SMU1: variants seen among roughly 807,000 people sequenced by gnomAD.
SMU1 encodes the protein SMU1 DNA replication regulator and spliceosomal factor.
A neutral mutation model predicts 62.0 loss-of-function variants in SMU1; 2 were observed. The observed-to-expected ratio is 0.03, with a 90% CI of 0.01 to 0.10. The LOEUF (loss-of-function observed/expected upper bound fraction) is 0.10, where lower values mean the gene tolerates loss of function less well. SMU1 is among the 10% of genes least tolerant of loss of function. The probability of loss-of-function intolerance (pLI) is 1.00; values close to 1 mark genes in which losing one functional copy is unlikely to be tolerated. For synonymous variants in SMU1, 188 were observed against 212.4 expected (o/e 0.89, Z 1.00); for missense variants, 227 against 622.1 (o/e 0.36, Z 6.76).
intron 6 of SMU1, among the ~76,000 whole-genome samples, chr9:33,059,437 G>GA (rs796953065): frequency 2.7e-5 from 4 of 149,244 alleles, no homozygotes; most frequent in African/African-American, 7.4e-5. Context: ...ATAACCCCTT[G>GA]AAAAAAAAAT....
chr9:33,073,564 C>T, intron 2 of SMU1, 32 bp downstream of exon 2: 1 of 1,564,624 alleles, frequency 6.4e-7, no homozygotes, highest in Non-Finnish European at 8.8e-7. Context: ...AACGAACCAA[C>T]CCATGGGGAT....
chr9:33,066,038 A>C (rs1587711358), intron 4 of SMU1, among the ~76,000 whole-genome samples: 2 of 152,334 alleles, frequency 1.3e-5, no homozygotes, highest in Middle Eastern at 6.8e-3. Context: ...AAAGCTGACC[A>C]GCCCAAGAGA....
Position 33,042,414 on chromosome 9 carries a change from A to T in SMU1, c.*4879T>A, listed in dbSNP as rs1839136146. On this transcript the variant is annotated 3_prime_UTR_variant, in exon 12 of 12. Transcript: ENST00000397149. ...ATTAACCAAGGTCATCATCCACAAA[A>T]ATACAAGTTCCAGCACTAACTCTGC... 6.6e-6 allele frequency: 1 copy of T among 152,624 alleles called. No individual in the cohort carries two copies. Among genetic ancestry groups the T allele is most frequent in the Admixed American group, 6.5e-5 (1 of 15,284 alleles). The allele number at this position is 152,624 out of a possible 1,614,324, so 9.5% of individuals were successfully genotyped here.
chr9:33,060,678 T>A (rs1839352235), intron 5 of SMU1, 94 bp from the exon 6 acceptor site: 2 of 1,519,752 alleles, frequency 1.3e-6, no homozygotes, highest in Non-Finnish European at 1.8e-6. Context: ...TGCCCTAGCA[T>A]AAAGTCATAG....
intron 6 of SMU1, among the ~76,000 whole-genome samples, chr9:33,058,254 A>G (rs1839323114): frequency 6.6e-6 from 1 of 152,238 alleles, no homozygotes; most frequent in Admixed American, 6.5e-5. Context: ...AGTAGAAAGT[A>G]AAAATCACTC....
rs879097134 is a variant in SMU1, at chr9:33,061,985, G to A, written c.630+64C>T. The stretch of plus-strand genomic sequence containing the variant: ...TATCCAAGCCCCTGGCACAGGGCCT[G>A]GCTGAGCCCATGACAAGTCCTCAAC... On this transcript the variant is annotated intron_variant, in intron 5 of 11. Transcript: ENST00000397149. 4.5e-6 allele frequency: 7 copies of A among 1,557,308 alleles called. No individual in the cohort carries two copies. The South Asian group carries it at 5.7e-5, about 13-fold the overall frequency.
At chr9:33,068,206 A>G (rs550867770) in intron 4 of SMU1, among the ~76,000 whole-genome samples, 1 of 152,208 alleles carries the variant, frequency 6.6e-6, no homozygotes, top group Non-Finnish European at 1.5e-5. Flanking sequence ...ATTTGTTCCA[A>G]TCTTTCCAGG....
In SMU1 at chr9:33,047,198, C is replaced by T; in HGVS notation, c.*95G>A. ...GTGACTAATTCAGACAATCTATTTG[C>T]TTAGAAAAGCTGGCAAAAAAAAAAA... On this transcript the variant is annotated 3_prime_UTR_variant, in exon 12 of 12. Transcript: ENST00000397149. The T allele has an allele frequency of 1.4e-6, 1 of 721,244 alleles. No homozygotes were observed. The highest frequency in any genetic ancestry group is 2.2e-6 in the Non-Finnish European group (1 of 450,344). 44.7% of individuals were successfully genotyped at this position (721,244 alleles called of 1,614,324 possible). A position where few individuals can be genotyped will look rare whatever the true frequency, so the allele number is the denominator to read the frequency against.
chr9:33,059,557 T>C (rs1839340117), intron 6 of SMU1, among the ~76,000 whole-genome samples: 1 of 147,322 alleles, frequency 6.8e-6, no homozygotes, highest in African/African-American at 2.5e-5. Context: ...GCCCCTGCAC[T>C]CCAGCCTGGG....
chr9:33,070,115 G>C (rs1427232211), intron 3 of SMU1, among the ~76,000 whole-genome samples: 3 of 151,974 alleles, frequency 2.0e-5, no homozygotes. Context: ...ACAGAGCTCT[G>C]TCTCAAAAAC....
rs1419300673 is a variant in SMU1, at chr9:33,056,343, A to C, written c.996-104T>G. On this transcript the variant is annotated intron_variant, in intron 8 of 11. Transcript: ENST00000397149. ...GATAAATTACAGAAGCTCATGTTAT[A>C]ATATTAAGTGAAGAGGGCTATGTGA... 1.2e-4 allele frequency: 141 copies of C among 1,192,218 alleles called. 1 individual carries two copies. The East Asian group carries it at 3.6e-3, about 31-fold the overall frequency. The allele number at this position is 1,192,218 out of a possible 1,614,324, so 73.9% of individuals were successfully genotyped here.
In SMU1 at chr9:33,068,820, T is replaced by C; in HGVS notation, c.501+4A>G. The C allele has an allele frequency of 1.9e-6, 3 of 1,613,740 alleles. No individual in the cohort carries two copies. Among genetic ancestry groups the C allele is most frequent in the Non-Finnish European group, 2.5e-6 (3 of 1,179,880 alleles). The stretch of plus-strand genomic sequence containing the variant: ...ACACCTGGCCTCTACAGGAATTGAA[T>C]TACCTGTCCCAGCAATGCCATGAGA... On this transcript the variant is annotated splice_donor_region_variant and intron_variant, in intron 4 of 11. Coordinates refer to ENST00000397149, the MANE Select transcript of SMU1 (RefSeq NM_018225.3).
At chr9:33,057,492 C>A in intron 7 of SMU1, 106 bp downstream of exon 7, 1 of 1,341,782 alleles carries the variant, frequency 7.5e-7, no homozygotes, top group South Asian at 1.2e-5. Flanking sequence ...AGCTGATGCT[C>A]AATAATCAGT....
intron 3 of SMU1, among the ~76,000 whole-genome samples, chr9:33,070,461 G>C (rs1404780402): frequency 6.6e-6 from 1 of 152,208 alleles, no homozygotes; most frequent in Non-Finnish European, 1.5e-5. Flanking sequence ...AACCACTATG[G>C]AGAATAGTTT....
At chr9:33,049,132 C>T (rs1384100520) in intron 10 of SMU1, among the ~76,000 whole-genome samples, 4 of 152,096 alleles carry the variant, frequency 2.6e-5, no homozygotes, top group South Asian at 2.1e-4. Context: ...CTAAAGCTTA[C>T]GCAAAGAGGC....
intron 11 of SMU1, among the ~76,000 whole-genome samples, chr9:33,047,896 T>C (rs1052153632): frequency 4.3e-4 from 65 of 151,082 alleles, no homozygotes; most frequent in African/African-American, 1.6e-3. Flanking sequence ...AACAAACTTA[T>C]ATAGTGTTAA....
intron 2 of SMU1, among the ~76,000 whole-genome samples, chr9:33,073,067 C>T (rs997391382): frequency 3.9e-5 from 6 of 152,040 alleles, no homozygotes; most frequent in Admixed American, 2.6e-4. Flanking sequence ...AAGGAAATGG[C>T]TCAGGATAGG....
intron 9 of SMU1, among the ~76,000 whole-genome samples, 179 bp from the exon 10 acceptor site, chr9:33,053,469 G>A (rs932261096): frequency 2.6e-5 from 4 of 152,054 alleles, no homozygotes; most frequent in African/African-American, 4.8e-5. Context: ...GTTTTCCTTC[G>A]GTATCTGTGA....
intron 10 of SMU1, among the ~76,000 whole-genome samples, chr9:33,049,867 G>A (rs1389497722): frequency 6.6e-6 from 1 of 152,078 alleles, no homozygotes; most frequent in East Asian, 1.9e-4. Context: ...GAGCCCAGGA[G>A]CTCAAGGATG....
Sources: gnomAD v4.1 joint callset for allele counts (sites outside exome capture counted in the v4.1 genomes callset) on GRCh38, gnomAD v4.1.1 for gene constraint, MANE v1.5 for transcripts, NCBI Gene and HGNC (gene_info 2026-07-23, HGNC 2026-07-21) for gene names.